The following TAFA4 variants were observed in gnomAD, a reference collection of about 807,000 sequenced individuals.
TAFA4 encodes chemokine-like protein TAFA-4.
A neutral mutation model predicts 21.1 loss-of-function variants in TAFA4; 20 were observed. That is an observed-to-expected ratio of 0.95 (90% CI 0.67 to 1.38). TAFA4 has a LOEUF of 1.38. Among genes scored for constraint, TAFA4 ranks in the 40% most tolerant of loss-of-function variants. The pLI, the probability that TAFA4 is intolerant of heterozygous loss-of-function variation, is 0.00. For synonymous variants in TAFA4, 71 were observed against 67.4 expected, an observed-to-expected ratio of 1.05 and a Z score of -0.26; for missense variants, 211 against 180.9, an observed-to-expected ratio of 1.17 and a Z score of -0.95.
At chr3:68,771,280 A>G (rs776060738) in intron 3 of TAFA4, among the ~76,000 whole-genome samples, 6 of 152,238 alleles carry the variant, frequency 3.9e-5, no homozygotes, top group Non-Finnish European at 7.3e-5. Flanking sequence ...TGTGTAATTG[A>G]GCTGGTTAAC....
chr3:68,873,813 T>G (rs944884041), intron 3 of TAFA4, among the ~76,000 whole-genome samples: 8 of 152,234 alleles, frequency 5.3e-5, no homozygotes, highest in African/African-American at 1.7e-4. Flanking sequence ...CTGTTTGACT[T>G]TGGGGAAGAA....
chr3:68,900,495 C>T (rs2089835311), intron 1 of TAFA4, among the ~76,000 whole-genome samples: 1 of 152,012 alleles, frequency 6.6e-6, no homozygotes, highest in South Asian at 2.1e-4. Flanking sequence ...TTAACTCCTA[C>T]TCATCCTTCA....
intron 3 of TAFA4, among the ~76,000 whole-genome samples, chr3:68,810,721 G>C (rs1212417760): frequency 6.6e-6 from 1 of 152,218 alleles, no homozygotes; most frequent in East Asian, 1.9e-4. Context: ...AGGACTGTCT[G>C]CCTCTGCAGA....
intron 1 of TAFA4, among the ~76,000 whole-genome samples, chr3:68,912,424 T>G (rs1455166265): frequency 6.6e-6 from 1 of 152,196 alleles, no homozygotes; most frequent in Non-Finnish European, 1.5e-5. Context: ...GGCCGCTAAT[T>G]AAATGCAAAA....
At chr3:68,870,223 G>A (rs973053004) in intron 3 of TAFA4, among the ~76,000 whole-genome samples, 7 of 151,756 alleles carry the variant, frequency 4.6e-5, no homozygotes, top group Non-Finnish European at 8.8e-5. Context: ...AAAGAAACAC[G>A]CCTATACTCA....
chr3:68,887,784 T>C lies in TAFA4; in HGVS notation c.-122-2474A>G, dbSNP rs536321511. On this transcript the variant is annotated intron_variant, in intron 1 of 5. Coordinates refer to ENST00000295569, the MANE Select transcript of TAFA4 (RefSeq NM_182522.5). ...TGCTGAGGTCCCACAGGTACCCCTC[T>C]TGAAATCTTGCCCTCAAGGTGCTAG... Among the ~76,000 whole-genome samples the C allele has an allele frequency of 3.3e-5, 5 of 152,228 alleles. No individual in the cohort carries two copies. In the South Asian group the frequency reaches 8.3e-4, roughly 25 times the overall value.
chr3:68,845,085 C>T (rs763227112), intron 3 of TAFA4, among the ~76,000 whole-genome samples: 73 of 151,532 alleles, frequency 4.8e-4, no homozygotes, highest in Non-Finnish European at 8.9e-4. Context: ...TTAATGTTGT[C>T]TCGTTAATCT....
chr3:68,807,300 C>T (rs1376305785), intron 3 of TAFA4, among the ~76,000 whole-genome samples: 1 of 152,174 alleles, frequency 6.6e-6, no homozygotes, highest in African/African-American at 2.4e-5. Context: ...GAAGCTGAAG[C>T]TGATAGTTCA....
At chr3:68,824,660 C>T (rs1704187013) in intron 3 of TAFA4, among the ~76,000 whole-genome samples, 2 of 152,130 alleles carry the variant, frequency 1.3e-5, no homozygotes, top group Admixed American at 6.6e-5. Flanking sequence ...ATTATTCTGC[C>T]TACCACACAC....
Position 68,775,163 on chromosome 3 carries a change from A to G in TAFA4, c.131-22145T>C, listed in dbSNP as rs904374836. ...ATTTTAGCTATTTGTTAAAGCCCTTATGTGAGCTGGGAGCCTCTAACACAA... is the reference window on the plus strand; with the variant it reads ...ATTTTAGCTATTTGTTAAAGCCCTTGTGTGAGCTGGGAGCCTCTAACACAA... On this transcript the variant is annotated intron_variant, in intron 3 of 5. Coordinates refer to ENST00000295569, the MANE Select transcript of TAFA4 (RefSeq NM_182522.5). Among the ~76,000 whole-genome samples, 4 of 152,322 alleles carry G rather than the reference A, an allele frequency of 2.6e-5. No homozygotes were observed. The East Asian group carries it at 7.7e-4, about 29-fold the overall frequency.
chr3:68,750,073 G>T (rs1702533204), intron 4 of TAFA4, among the ~76,000 whole-genome samples: 1 of 152,196 alleles, frequency 6.6e-6, no homozygotes, highest in African/African-American at 2.4e-5. Flanking sequence ...TGACACTAGG[G>T]AAACCATTTA....
intron 1 of TAFA4, among the ~76,000 whole-genome samples, chr3:68,909,240 T>A (rs1270268429): frequency 6.6e-6 from 1 of 152,138 alleles, no homozygotes; most frequent in East Asian, 1.9e-4. Context: ...AAGTTCTGTC[T>A]TGTGGAAGAG....
intron 1 of TAFA4, among the ~76,000 whole-genome samples, chr3:68,920,079 G>T (rs1015078579): frequency 3.3e-5 from 5 of 152,152 alleles, no homozygotes; most frequent in African/African-American, 7.2e-5. Flanking sequence ...CTCTGTAGTA[G>T]AAAAAACTGG....
At chr3:68,747,050 G>A (rs1702472463) in intron 4 of TAFA4, among the ~76,000 whole-genome samples, 1 of 152,184 alleles carries the variant, frequency 6.6e-6, no homozygotes, top group African/African-American at 2.4e-5. Context: ...TTGAGAAACT[G>A]ATCTACAGTT....
In TAFA4 at chr3:68,805,291, A is replaced by C. The variant is rs551388090; in HGVS notation, c.131-52273T>G. ...ACCAGTTAGAATGGCGATCATTAAA[A>C]AGTCAGGAAACAACAGATGCTGGAG... On this transcript the variant is annotated intron_variant, in intron 3 of 5. Transcript: ENST00000295569. 1.2e-3 allele frequency among the ~76,000 whole-genome samples: 186 copies of C among 152,354 alleles called. 2 individuals are homozygous for C. Among genetic ancestry groups the C allele is most frequent in the African/African-American group, 4.4e-3 (184 of 41,590 alleles).
intron 3 of TAFA4, among the ~76,000 whole-genome samples, chr3:68,811,541 A>G (rs1246070121): frequency 1.3e-5 from 2 of 152,252 alleles, no homozygotes; most frequent in African/African-American, 4.8e-5. Flanking sequence ...AAGCCTTAGT[A>G]GCCAATTCAA....
At chr3:68,915,925 C>T (rs1252350167) in intron 1 of TAFA4, 1 of 152,016 alleles carries the variant, frequency 6.6e-6, no homozygotes, top group Non-Finnish European at 1.5e-5. Context: ...TGGAATTGAC[C>T]AAGATATGCT....
chr3:68,848,848 C>T (rs1704873712), intron 3 of TAFA4, among the ~76,000 whole-genome samples: 1 of 152,062 alleles, frequency 6.6e-6, no homozygotes, highest in Admixed American at 6.6e-5. Context: ...TGCAAAGTGA[C>T]AGGCTGTCTC....
At chr3:68,818,861 T>C (rs1396457162) in intron 3 of TAFA4, among the ~76,000 whole-genome samples, 1 of 152,182 alleles carries the variant, frequency 6.6e-6, no homozygotes, top group East Asian at 1.9e-4. Flanking sequence ...GTTTGAAATA[T>C]TATGAGAATT....
Sources: gnomAD v4.1 joint callset for allele counts (sites outside exome capture counted in the v4.1 genomes callset) on GRCh38, gnomAD v4.1.1 for gene constraint, MANE v1.5 for transcripts, NCBI Gene and HGNC (gene_info 2026-07-23, HGNC 2026-07-21) for gene names.